Variants in LUZP2 observed in about 807,000 individuals in gnomAD.
LUZP2 encodes the protein leucine zipper protein 2.
LUZP2 carries 52 observed loss-of-function variants against 51.6 expected under a neutral mutation model. The observed-to-expected ratio is 1.01, with a 90% CI of 0.81 to 1.27. The LOEUF (loss-of-function observed/expected upper bound fraction) is 1.27, where lower values mean the gene tolerates loss of function less well. Ranked by LOEUF, LUZP2 falls within the 50% of genes most tolerant of loss-of-function variation. LUZP2 has a pLI of 0.00. For missense variants in LUZP2, 436 were observed against 395.4 expected (o/e 1.10, Z -0.87); for synonymous variants, 154 against 137.3 (o/e 1.12, Z -0.85).
chr11:24,841,035 T>C (rs1469613240), intron 5 of LUZP2, among the ~76,000 whole-genome samples: 2 of 152,020 alleles, frequency 1.3e-5, no homozygotes, highest in South Asian at 2.1e-4. Flanking sequence ...GTTAACCATG[T>C]AGTATGCAGT....
intron 7 of LUZP2, 44 bp downstream of exon 7, chr11:24,914,582 T>C (rs763275760): frequency 7.2e-6 from 9 of 1,255,816 alleles, no homozygotes; most frequent in Non-Finnish European, 3.4e-6. Context: ...GCTAGCTCAA[T>C]ACCTAAAATA....
chr11:25,036,628 C>T (rs1190711187), intron 9 of LUZP2, among the ~76,000 whole-genome samples: 1 of 152,046 alleles, frequency 6.6e-6, no homozygotes, highest in East Asian at 1.9e-4. Context: ...TTCCTCAACA[C>T]TACTTTGTCT....
At chr11:24,797,310 G>T (rs55691548) in intron 5 of LUZP2, among the ~76,000 whole-genome samples, 1 of 152,072 alleles carries the variant, frequency 6.6e-6, no homozygotes, top group Non-Finnish European at 1.5e-5. Context: ...TCCAAGGGTC[G>T]TAGAAATTCT....
chr11:24,829,346 T>C (rs2716489), intron 5 of LUZP2, among the ~76,000 whole-genome samples: 151,469 of 152,256 alleles, frequency 0.99, 75,344 homozygotes, highest in Middle Eastern at 1. Context: ...AGGAAAAGTG[T>C]GCGTGCATGT....
intron 8 of LUZP2, among the ~76,000 whole-genome samples, chr11:24,976,924 T>C (rs1244041033): frequency 6.6e-6 from 1 of 151,766 alleles, no homozygotes; most frequent in Non-Finnish European, 1.5e-5. Flanking sequence ...ACCTCACTGG[T>C]ATATTTATTC....
At chr11:24,987,674 C>T (rs911708359) in intron 9 of LUZP2, among the ~76,000 whole-genome samples, 1 of 151,910 alleles carries the variant, frequency 6.6e-6, no homozygotes, top group Admixed American at 6.6e-5. Flanking sequence ...GGCCCTGGAA[C>T]GAATGGGGCT....
rs79045657 is a variant in LUZP2 at position 24,902,052 on chromosome 11, A to G, written c.397-3939A>G. ...CTTTATTTGTCAAATTCTAGTAATG[A>G]GAAAAGTTATTTAGTCCAAAGGGTT... On this transcript the variant is annotated intron_variant, in intron 5 of 11. Coordinates refer to ENST00000336930, the MANE Select transcript of LUZP2 (RefSeq NM_001009909.4). Among the ~76,000 whole-genome samples the G allele has an allele frequency of 7.7e-3, 1,177 of 152,322 alleles. 16 individuals are homozygous for G. The highest frequency in any genetic ancestry group is 0.055 in the East Asian group (286 of 5,190).
At chr11:24,501,065 C>A (rs979463676) in intron 1 of LUZP2, among the ~76,000 whole-genome samples, 2 of 152,122 alleles carry the variant, frequency 1.3e-5, no homozygotes, top group East Asian at 1.9e-4. Flanking sequence ...TATTTTGAGG[C>A]AACATGGGTT....
intron 1 of LUZP2, among the ~76,000 whole-genome samples, chr11:24,694,852 A>G (rs999192328): frequency 2.0e-5 from 3 of 151,668 alleles, no homozygotes; most frequent in Non-Finnish European, 4.4e-5. Context: ...GTTCTCACTC[A>G]TCATGGGAGT....
chr11:24,615,633 A>G (rs1854260763), intron 1 of LUZP2, among the ~76,000 whole-genome samples: 1 of 152,040 alleles, frequency 6.6e-6, no homozygotes, highest in Admixed American at 6.6e-5. Context: ...CTATGTGAAC[A>G]TAAGTTTTCA....
intron 9 of LUZP2, among the ~76,000 whole-genome samples, chr11:25,049,655 T>C (rs1281180412): frequency 6.6e-6 from 1 of 152,040 alleles, no homozygotes; most frequent in African/African-American, 2.4e-5. Context: ...TATTTTCTTA[T>C]TCACATATTA....
At chr11:25,014,187 G>A (rs1276158165) in intron 9 of LUZP2, among the ~76,000 whole-genome samples, 1 of 152,114 alleles carries the variant, frequency 6.6e-6, no homozygotes, top group Non-Finnish European at 1.5e-5. Flanking sequence ...CTTTGCTATT[G>A]TGAATAGTGC....
chr11:25,034,250 C>T (rs1857783936), intron 9 of LUZP2, among the ~76,000 whole-genome samples: 1 of 151,958 alleles, frequency 6.6e-6, no homozygotes, highest in Non-Finnish European at 1.5e-5. Context: ...ATGTTCATGT[C>T]CTTTTCCCAT....
At chr11:24,598,053 A>T (rs150537781) in intron 1 of LUZP2, among the ~76,000 whole-genome samples, 1 of 150,914 alleles carries the variant, frequency 6.6e-6, no homozygotes. Flanking sequence ...GTGAGCAGAG[A>T]TTGCGCCATT....
chr11:24,761,255 T>C (rs1371491422), intron 4 of LUZP2, among the ~76,000 whole-genome samples: 4 of 152,050 alleles, frequency 2.6e-5, no homozygotes, highest in African/African-American at 9.7e-5. Flanking sequence ...AGTAGGCAGC[T>C]TCACATGGGC....
At chr11:24,585,174 T>A (rs1048623591) in intron 1 of LUZP2, among the ~76,000 whole-genome samples, 1 of 152,098 alleles carries the variant, frequency 6.6e-6, no homozygotes, top group Non-Finnish European at 1.5e-5. Flanking sequence ...GTAAATTTAC[T>A]GAAAAATGGA....
intron 4 of LUZP2, among the ~76,000 whole-genome samples, chr11:24,753,041 TATA>T (rs1371425947): frequency 6.6e-6 from 1 of 151,872 alleles, no homozygotes; most frequent in South Asian, 2.1e-4. Flanking sequence ...AAGAAACAGA[TATA>T]ATAAGGGAAG....
At chr11:24,806,361 C>A (rs1028868376) in intron 5 of LUZP2, among the ~76,000 whole-genome samples, 1 of 152,148 alleles carries the variant, frequency 6.6e-6, no homozygotes, top group Non-Finnish European at 1.5e-5. Context: ...GTATATGTTA[C>A]TAATCAGCCT....
At chr11:24,767,571 T>G (rs1431083736) in intron 5 of LUZP2, among the ~76,000 whole-genome samples, 1 of 152,208 alleles carries the variant, frequency 6.6e-6, no homozygotes, top group Non-Finnish European at 1.5e-5. Context: ...AAGCTCAAGT[T>G]TTGTTTTTCT....
Sources: gnomAD v4.1 joint callset for allele counts (sites outside exome capture counted in the v4.1 genomes callset) on GRCh38, gnomAD v4.1.1 for gene constraint, MANE v1.5 for transcripts, NCBI Gene and HGNC (gene_info 2026-07-23, HGNC 2026-07-21) for gene names.